Variants in OR12D2 observed in about 807,000 individuals in gnomAD.
OR12D2 encodes olfactory receptor family 12 subfamily D member 2.
For missense variants in OR12D2, 345 were observed against 371.6 expected, an observed-to-expected ratio of 0.93 and a Z score of 0.59; for synonymous variants, 146 against 142.3, an observed-to-expected ratio of 1.03 and a Z score of -0.19.
Position 29,397,023 on chromosome 6 carries a change from G to A in OR12D2, c.324G>A (p.Thr108=), listed in dbSNP as rs756199165. The change falls in exon 2 of 2, where the codon ACG becomes ACA. Residue 108 remains threonine, a synonymous_variant. Transcript: ENST00000642051. ...QLHFFHSLGS[T]ESMLFAVMAF... The stretch of plus-strand genomic sequence containing the variant: ...ATTTCTTCCACTCCCTGGGCAGCAC[G>A]GAGTCCATGTTGTTCGCCGTGATGG... The A allele has an allele frequency of 1.1e-5, 18 of 1,612,936 alleles. No individual in the cohort carries two copies. In the Admixed American group the frequency reaches 1.2e-4, roughly 10 times the overall value.
chr6:29,396,762 G>T lies in OR12D2; in HGVS notation c.63G>T (p.Leu21=). 4 of 1,612,898 alleles carry T rather than the reference G, an allele frequency of 2.5e-6. No homozygotes were observed. The highest frequency in any genetic ancestry group is 3.4e-6 in the Non-Finnish European group (4 of 1,179,986). Residue 21 remains leucine, a synonymous_variant, in exon 2 of 2, where the codon CTG becomes CTT. Transcript: ENST00000642051. ...LLLGVTDIQE[L]QPFLFVVFLT... ...TGGGAGTGACAGACATTCAAGAACT[G>T]CAGCCTTTTCTCTTCGTGGTTTTCC...
chr6:29,395,941 A>AT (rs1780491932), intron 1 of OR12D2, 126 bp downstream of exon 1: 1 of 152,200 alleles, frequency 6.6e-6, no homozygotes, highest in African/African-American at 2.4e-5. Context: ...TTGATGTATT[A>AT]TTTTTTCCTT....
rs779204880 is a variant in OR12D2 at position 29,396,794 on chromosome 6, T to C, written c.95T>C (p.Ile32Thr). 4.3e-6 allele frequency: 7 copies of C among 1,612,852 alleles called. No homozygotes were observed. The highest frequency in any genetic ancestry group is 1.7e-5 in the Admixed American group (1 of 60,000). ...TTTCTCTTCGTGGTTTTCCTCACCATCTACTTCATCAGTGTGACTGGGAAT... is the reference window on the plus strand; with the variant it reads ...TTTCTCTTCGTGGTTTTCCTCACCACCTACTTCATCAGTGTGACTGGGAAT... ...QPFLFVVFLT[I>T]YFISVTGNGA... Residue 32 changes from isoleucine (I) to threonine (T), a missense_variant, in exon 2 of 2, where the codon ATC (isoleucine) becomes ACC (threonine). Ile to Thr is a moderately conservative substitution (Grantham distance 89). Transcript: ENST00000642051.
rs1159031224 is a variant in OR12D2 at position 29,396,955 on chromosome 6, A to G, written c.256A>G (p.Thr86Ala). ...AAAAATGCTGCAGAACTTTCTCTCT[A>G]CACACAAAGCAATTTCTTTCTTGGG... ...LPKMLQNFLS[T>A]HKAISFLGCI... Residue 86 changes from threonine to alanine, a missense_variant, in exon 2 of 2, where the codon ACA (threonine) becomes GCA (alanine). Thr to Ala is a moderately conservative substitution (Grantham distance 58). Coordinates refer to ENST00000642051, the MANE Select transcript of OR12D2 (RefSeq NM_013936.4). 1 of 1,613,044 alleles carries G rather than the reference A, an allele frequency of 6.2e-7. No individual in the cohort carries two copies. The highest frequency in any genetic ancestry group is 8.5e-7 in the Non-Finnish European group (1 of 1,180,022).
rs36210742 is a variant in OR12D2, at chr6:29,396,952, T to C, written c.253T>C (p.Ser85Pro). ...GCCAAAAATGCTGCAGAACTTTCTC[T>C]CTACACACAAAGCAATTTCTTTCTT... The part of the protein sequence containing the change: ...TLPKMLQNFL[S>P]THKAISFLGC... Residue 85 changes from serine to proline, a missense_variant, in exon 2 of 2, where the codon TCT becomes CCT. Physicochemically the swap from Ser to Pro is moderately conservative, Grantham distance 74. Transcript: ENST00000642051. The C allele has an allele frequency of 1.6e-3, 2,618 of 1,613,082 alleles. 20 individuals carry two copies. In the African/African-American group the frequency reaches 0.021, roughly 13 times the overall value.
intron 1 of OR12D2, 61 bp from the exon 2 acceptor site, chr6:29,396,637 G>C: frequency 1.5e-6 from 2 of 1,376,534 alleles, no homozygotes; most frequent in Non-Finnish European, 2.0e-6. Context: ...AGAAAATTCT[G>C]AGCCGGAAGG....
At chr6:29,396,674 GATT>G in intron 1 of OR12D2, 21 bp from the exon 2 acceptor site, 11 of 1,580,606 alleles carry the variant, frequency 7.0e-6, no homozygotes, top group Non-Finnish European at 9.5e-6. Flanking sequence ...GTGTTCCATA[GATT>G]ATTTTGTCTT....
chr6:29,396,724 G>C lies in OR12D2; in HGVS notation c.25G>C (p.Glu9Gln). Reference sequence around the variant, plus strand: ...GATGCTGAATACAACCTCAGTCACCGAATTTCTCCTCTTGGGAGTGACAGA... The same window carrying C: ...GATGCTGAATACAACCTCAGTCACCCAATTTCTCCTCTTGGGAGTGACAGA... MLNTTSVTEFLLLGVTDIQ... is the reference protein window; with the variant it reads MLNTTSVTQFLLLGVTDIQ... Residue 9 changes from glutamate to glutamine, a missense_variant, in exon 2 of 2, where the codon GAA becomes CAA. Glu to Gln is a conservative substitution (Grantham distance 29). Transcript: ENST00000642051. The C allele has an allele frequency of 6.2e-7, 1 of 1,611,750 alleles. No homozygotes were observed. Among genetic ancestry groups the C allele is most frequent in the Non-Finnish European group, 8.5e-7 (1 of 1,179,790 alleles).
chr6:29,397,644 C>G lies in OR12D2; in HGVS notation c.*21C>G. On this transcript the variant is annotated 3_prime_UTR_variant, in exon 2 of 2. Coordinates refer to ENST00000642051, the MANE Select transcript of OR12D2 (RefSeq NM_013936.4). ...TTTGATTTGAATAAACCAGAGAACT[C>G]TACTGAGGCATAAATAACCAGCAAT... 1 of 1,578,348 alleles carries G rather than the reference C, an allele frequency of 6.3e-7. No individual in the cohort carries two copies. The highest frequency in any genetic ancestry group is 8.6e-7 in the Non-Finnish European group (1 of 1,158,970).
chr6:29,397,235 T>A lies in OR12D2; in HGVS notation c.536T>A (p.Ile179Asn), dbSNP rs1266804035. ...SNRIHHFLCD[I>N]KPLLKLACGN... ...CGTATCCATCATTTTCTCTGTGATA[T>A]TAAGCCATTGCTAAAGCTGGCCTGT... Residue 179 changes from isoleucine to asparagine, a missense_variant, in exon 2 of 2, where the codon ATT becomes AAT. Coordinates refer to ENST00000642051, the MANE Select transcript of OR12D2 (RefSeq NM_013936.4). 11 of 1,612,988 alleles carry A rather than the reference T, an allele frequency of 6.8e-6. No individual in the cohort carries two copies. The highest frequency in any genetic ancestry group is 8.5e-6 in the Non-Finnish European group (10 of 1,180,036).
Position 29,397,154 on chromosome 6 carries a change from T to C in OR12D2, c.455T>C (p.Phe152Ser), listed in dbSNP as rs1201904537. The change falls in exon 2 of 2, where the codon TTC (phenylalanine) becomes TCC (serine). Residue 152 changes from phenylalanine (F) to serine (S), a missense_variant. Transcript: ENST00000642051. Reference sequence around the variant, plus strand: ...ATCACAATCTGGGTCATTGGTTTTTTCCATGCCCTGCTGCACTCCGTAATG... The same window carrying C: ...ATCACAATCTGGGTCATTGGTTTTTCCCATGCCCTGCTGCACTCCGTAATG... ...MAITIWVIGF[F>S]HALLHSVMTS... 3 of 1,613,114 alleles carry C rather than the reference T, an allele frequency of 1.9e-6. No individual in the cohort carries two copies. The highest frequency in any genetic ancestry group is 2.5e-6 in the Non-Finnish European group (3 of 1,180,022).
Position 29,397,700 on chromosome 6 carries a change from T to C in OR12D2, c.*77T>C, listed in dbSNP as rs538220536. On this transcript the variant is annotated 3_prime_UTR_variant, in exon 2 of 2. Coordinates refer to ENST00000642051, the MANE Select transcript of OR12D2 (RefSeq NM_013936.4). The stretch of plus-strand genomic sequence containing the variant: ...AGTAGAGATGTGTAATTTTACTGCT[T>C]CTCAGATGGTTTATAAGTGTAAAAT... 190 of 1,290,948 alleles carry C rather than the reference T, an allele frequency of 1.5e-4. 2 individuals carry two copies. In the African/African-American group the frequency reaches 2.4e-3, roughly 16 times the overall value. 80.0% of individuals were successfully genotyped at this position (1,290,948 alleles called of 1,614,324 possible). A position where few individuals can be genotyped will look rare whatever the true frequency, so the allele number is the denominator to read the frequency against.
rs1207613424 is a variant in OR12D2 at position 29,395,775 on chromosome 6, G to C, written c.-43G>C. ...GGGTGTGAAAAAGGAAAAAGTCTCA[G>C]TGCAACTGGAAACTAAAGGAACAAT... On this transcript the variant is annotated 5_prime_UTR_variant, in exon 1 of 2. Coordinates refer to ENST00000642051, the MANE Select transcript of OR12D2 (RefSeq NM_013936.4). 2.0e-5 allele frequency: 3 copies of C among 152,142 alleles called. No individual in the cohort carries two copies. The highest frequency in any genetic ancestry group is 7.2e-5 in the African/African-American group (3 of 41,432). 9.4% of individuals were successfully genotyped at this position (152,142 alleles called of 1,614,324 possible). A position where few individuals can be genotyped will look rare whatever the true frequency, so the allele number is the denominator to read the frequency against.
In OR12D2 at chr6:29,397,104, C is replaced by T. The variant is rs1402204981; in HGVS notation, c.405C>T (p.Asn135=). ...CKPLRYTVIM[N]PQLCTQMAIT... ...CACTTCGCTACACTGTCATCATGAA[C>T]CCTCAGCTCTGTACCCAGATGGCCA... The change falls in exon 2 of 2, where the codon AAC becomes AAT. Residue 135 remains asparagine (N), a synonymous_variant. Transcript: ENST00000642051. The T allele has an allele frequency of 2.5e-6, 4 of 1,613,180 alleles. No homozygotes were observed. The highest frequency in any genetic ancestry group is 3.4e-6 in the Non-Finnish European group (4 of 1,180,020).
At position 29,397,837 on chromosome 6, in the gene OR12D2, A is replaced by G; in HGVS notation, c.*214A>G. ...GCAAGACACTAGCCATGGAACCCTA[A>G]TGCTGAAAATTTTTTGGAATATCAG... On this transcript the variant is annotated 3_prime_UTR_variant, in exon 2 of 2. Coordinates refer to ENST00000642051, the MANE Select transcript of OR12D2 (RefSeq NM_013936.4). 1.9e-6 allele frequency: 1 copy of G among 519,130 alleles called. No individual in the cohort carries two copies. 32.2% of individuals were successfully genotyped at this position (519,130 alleles called of 1,614,324 possible).
Sources: allele counts gnomAD v4.1 joint callset, GRCh38; gene constraint gnomAD v4.1.1; transcripts MANE v1.5; gene names NCBI Gene and HGNC (gene_info 2026-07-23, HGNC 2026-07-21).